ACACA: variants seen among roughly 807,000 people sequenced by gnomAD.
ACACA encodes the protein acetyl-CoA carboxylase 1.
ACACA carries 103 observed loss-of-function variants against 296.1 expected under a neutral mutation model. The ratio of observed to expected loss-of-function variants is 0.35; its 90% CI spans 0.30 to 0.41. The LOEUF (loss-of-function observed/expected upper bound fraction) is 0.41, where lower values mean the gene tolerates loss of function less well. ACACA is among the 10% of genes least tolerant of loss of function. The pLI is 1.00. For synonymous variants in ACACA, 953 were observed against 1,038.6 expected (o/e 0.92, Z 1.58); for missense variants, 1,554 against 2,989.7 (o/e 0.52, Z 11.20).
chr17:37,177,445 C>T (rs1274620322), intron 41 of ACACA, among the ~76,000 whole-genome samples: 4 of 152,102 alleles, frequency 2.6e-5, no homozygotes, highest in Non-Finnish European at 4.4e-5. Context: ...TCACTATTCC[C>T]TGAGTCTCCA....
intron 50 of ACACA, 98 bp downstream of exon 50, chr17:37,121,257 T>C: frequency 1.1e-5 from 17 of 1,552,092 alleles, no homozygotes; most frequent in Non-Finnish European, 1.5e-5. Context: ...CCTAGGCTAT[T>C]AGGACACCCA....
At chr17:37,120,525 A>G (rs1434993317) in intron 50 of ACACA, among the ~76,000 whole-genome samples, 3 of 151,922 alleles carry the variant, frequency 2.0e-5, no homozygotes, top group Non-Finnish European at 2.9e-5. Context: ...TCAGCCTCCC[A>G]AAGTGCTGGG....
chr17:37,191,069 T>A (rs776040412), intron 38 of ACACA, 51 bp downstream of exon 38: 19 of 1,601,022 alleles, frequency 1.2e-5, no homozygotes, highest in Non-Finnish European at 8.6e-7. Context: ...ATGAATGAAC[T>A]TCTGTGCTTA....
chr17:37,275,495 C>CAAAAAAAAAA (rs34064045), intron 8 of ACACA, among the ~76,000 whole-genome samples: 161 of 59,480 alleles, frequency 2.7e-3, no homozygotes, highest in South Asian at 5.1e-3. Context: ...GACTCCAACT[C>CAAAAAAAAAA]AAAAAAAAAA....
intron 1 of ACACA, among the ~76,000 whole-genome samples, chr17:37,375,278 A>G (rs1009951989): frequency 1.4e-4 from 22 of 152,224 alleles, no homozygotes; most frequent in African/African-American, 5.1e-4. Context: ...CGAGATCAGG[A>G]GATTAAGACC....
At position 37,281,732 on chromosome 17, in the gene ACACA, G is replaced by A. The variant is rs374157052; in HGVS notation, c.610+1535C>T. On this transcript the variant is annotated intron_variant, in intron 5 of 55. Transcript: ENST00000616317. ...AATACAAAAATTAGCTGGGCATGGTGGCACACACCTGTAGTCCCAGCTACT... is the reference window on the plus strand; with the variant it reads ...AATACAAAAATTAGCTGGGCATGGTAGCACACACCTGTAGTCCCAGCTACT... Among the ~76,000 whole-genome samples the A allele has an allele frequency of 7.9e-5, 12 of 152,204 alleles. No individual in the cohort carries two copies. The East Asian group carries it at 1.7e-3, about 22-fold the overall frequency.
chr17:37,263,962 G>C, intron 10 of ACACA, 68 bp from the exon 11 acceptor site: 1 of 1,326,318 alleles, frequency 7.5e-7, no homozygotes, highest in Non-Finnish European at 1.1e-6. Context: ...ATCTTGATAA[G>C]CTACTTTGAT....
At chr17:37,196,802 A>G (rs372397459) in intron 35 of ACACA, among the ~76,000 whole-genome samples, 2 of 152,172 alleles carry the variant, frequency 1.3e-5, no homozygotes, top group East Asian at 3.8e-4. Flanking sequence ...CCTCTTTTCC[A>G]TTCAAGACTT....
chr17:37,107,703 G>C (rs890562325), intron 52 of ACACA, among the ~76,000 whole-genome samples: 1 of 152,248 alleles, frequency 6.6e-6, no homozygotes, highest in African/African-American at 2.4e-5. Flanking sequence ...CTAAGAACAA[G>C]TTCCCCTAAG....
chr17:37,197,407 T>C (rs537794771), intron 35 of ACACA, among the ~76,000 whole-genome samples: 12 of 152,208 alleles, frequency 7.9e-5, no homozygotes, highest in Admixed American at 7.9e-4. Flanking sequence ...CAAGTGCAAA[T>C]TCTCTCTTCC....
chr17:37,159,889 T>C (rs1038781688), intron 42 of ACACA, among the ~76,000 whole-genome samples: 2 of 152,218 alleles, frequency 1.3e-5, no homozygotes, highest in Admixed American at 6.5e-5. Flanking sequence ...CTTTGGGCTC[T>C]TGGAAGCCAA....
Position 37,188,320 on chromosome 17 carries a change from T to C in ACACA, c.4733A>G (p.Asp1578Gly), listed in dbSNP as rs1284549492. Residue 1578 changes from aspartate to glycine, a missense_variant, in exon 39 of 56, where the codon GAT (aspartate) becomes GGT (glycine). Transcript: ENST00000616317. ...FLTNESGYYLDISLYKEVTDS... is the reference protein window; with the variant it reads ...FLTNESGYYLGISLYKEVTDS... ...AGTCACTTCCTTGTATAGGCTGATA[T>C]CCAAGTAATAGCCAGACTCGTTTGT... 1 of 1,613,982 alleles carries C rather than the reference T, an allele frequency of 6.2e-7. No homozygotes were observed. The highest frequency in any genetic ancestry group is 8.5e-7 in the Non-Finnish European group (1 of 1,180,000).
chr17:37,237,527 C>T (rs771572269), intron 24 of ACACA, among the ~76,000 whole-genome samples: 3 of 152,118 alleles, frequency 2.0e-5, no homozygotes, highest in Non-Finnish European at 2.9e-5. Context: ...ATTTTTGCCA[C>T]TCTCATTGTG....
At chr17:37,224,236 C>T (rs1245310217) in intron 27 of ACACA, among the ~76,000 whole-genome samples, 1 of 152,094 alleles carries the variant, frequency 6.6e-6, no homozygotes, top group Non-Finnish European at 1.5e-5. Context: ...TGTCTCAATA[C>T]TCCACTATGG....
chr17:37,232,839 C>G (rs1381409547), intron 25 of ACACA, among the ~76,000 whole-genome samples: 2 of 151,902 alleles, frequency 1.3e-5, no homozygotes, highest in Non-Finnish European at 2.9e-5. Flanking sequence ...ATCTGGCTTC[C>G]TGGTTCACAT....
intron 1 of ACACA, among the ~76,000 whole-genome samples, chr17:37,368,092 T>C (rs542279675): frequency 6.8e-6 from 1 of 147,566 alleles, no homozygotes; most frequent in Non-Finnish European, 1.5e-5. Flanking sequence ...AACAAAAAAT[T>C]GTGTCATTAC....
At position 37,309,961 on chromosome 17, in the gene ACACA, G is replaced by A. The variant is rs950455811; in HGVS notation, c.338+20212C>T. On this transcript the variant is annotated intron_variant, in intron 3 of 55. Coordinates refer to ENST00000616317, the MANE Select transcript of ACACA (RefSeq NM_198834.3). ...CCAGGTACTTGGGAGTCTGAGGCTTGAGCCCAGAAGCTTGAGGCTGCAGTG... is the reference window on the plus strand; with the variant it reads ...CCAGGTACTTGGGAGTCTGAGGCTTAAGCCCAGAAGCTTGAGGCTGCAGTG... Among the ~76,000 whole-genome samples the A allele has an allele frequency of 2.6e-5, 4 of 152,066 alleles. No homozygotes were observed. The East Asian group carries it at 7.7e-4, about 29-fold the overall frequency.
intron 41 of ACACA, among the ~76,000 whole-genome samples, chr17:37,177,521 C>T (rs746004466): frequency 3.7e-4 from 57 of 152,142 alleles, no homozygotes; most frequent in Admixed American, 1.2e-3. Context: ...AGGGGTTTCA[C>T]ACAGCACTGC....
At chr17:37,338,957 G>A (rs1425328566) in intron 2 of ACACA, among the ~76,000 whole-genome samples, 1 of 151,398 alleles carries the variant, frequency 6.6e-6, no homozygotes, top group African/African-American at 2.4e-5. Context: ...AAAAAAAAAG[G>A]AAGAAAAAAG....
Sources: allele counts gnomAD v4.1 joint callset (sites outside exome capture counted in the v4.1 genomes callset), GRCh38; gene constraint gnomAD v4.1.1; transcripts MANE v1.5; gene names NCBI Gene and HGNC (gene_info 2026-07-23, HGNC 2026-07-21).